Variants in FBN2 observed in about 807,000 individuals in gnomAD.
FBN2 encodes fibrillin 2, also known as fibrillin-2.
A neutral mutation model predicts 355.6 loss-of-function variants in FBN2; 105 were observed. The ratio of observed to expected loss-of-function variants is 0.30; its 90% CI spans 0.25 to 0.35. The LOEUF (loss-of-function observed/expected upper bound fraction) is 0.35. FBN2 is among the 10% of genes least tolerant of loss of function. FBN2 has a pLI of 1.00. For missense variants in FBN2, 3,280 were observed against 3,758.7 expected, an observed-to-expected ratio of 0.87 and a Z score of 3.33; for synonymous variants, 1,350 against 1,301.2, an observed-to-expected ratio of 1.04 and a Z score of -0.81.
intron 8 of FBN2, among the ~76,000 whole-genome samples, chr5:128,400,824 T>G (rs1235718493): frequency 6.6e-6 from 1 of 152,226 alleles, no homozygotes; most frequent in African/African-American, 2.4e-5. Flanking sequence ...GGTTTGGTTG[T>G]GTCCCCACCC....
chr5:128,340,753 C>T (rs1285009702), intron 25 of FBN2, among the ~76,000 whole-genome samples: 2 of 152,056 alleles, frequency 1.3e-5, no homozygotes, highest in African/African-American at 2.4e-5. Flanking sequence ...AGTTAAATGA[C>T]TATTTGTTAA....
rs779014173 is a variant in FBN2 at position 128,537,514 on chromosome 5, A to G, written c.90T>C (p.Pro30=). The G allele has an allele frequency of 6.3e-7, 1 of 1,576,926 alleles. No homozygotes were observed. The highest frequency in any genetic ancestry group is 2.3e-5 in the East Asian group (1 of 42,704). ...GGGGCGGCTTGGGCGGAGGAGGCTG[A>G]GGCTGGCCGGCCGTGCCCTGCGCCC... The part of the protein sequence containing the change: ...VLWAQGTAGQ[P]QPPPPKPPRP... Residue 30 remains proline, a synonymous_variant, in exon 1 of 65, where the codon CCT becomes CCC. Transcript: ENST00000262464.
At chr5:128,321,038 A>G (rs931493796) in intron 34 of FBN2, among the ~76,000 whole-genome samples, 6 of 151,992 alleles carry the variant, frequency 3.9e-5, no homozygotes, top group African/African-American at 1.5e-4. Context: ...ACTTAAAGGG[A>G]TCAATAATGG....
intron 14 of FBN2, among the ~76,000 whole-genome samples, chr5:128,375,267 A>G (rs893177797): frequency 1.3e-5 from 2 of 152,220 alleles, no homozygotes; most frequent in Non-Finnish European, 2.9e-5. Flanking sequence ...CCGACTCAGG[A>G]ATACTTAAAA....
chr5:128,305,667 T>G, intron 43 of FBN2, 31 bp from the exon 44 acceptor site: 1 of 1,612,744 alleles, frequency 6.2e-7, no homozygotes, highest in South Asian at 1.1e-5. Flanking sequence ...TTTTAAAGAG[T>G]CCTTTTTAGT....
At chr5:128,406,422 C>A (rs146974572) in intron 8 of FBN2, among the ~76,000 whole-genome samples, 1 of 152,322 alleles carries the variant, frequency 6.6e-6, no homozygotes, top group Admixed American at 6.5e-5. Flanking sequence ...GCAACCTCAG[C>A]ATACGATTTC....
intron 34 of FBN2, 109 bp downstream of exon 34, chr5:128,328,587 C>T: frequency 9.0e-7 from 1 of 1,105,682 alleles, no homozygotes; most frequent in Non-Finnish European, 1.4e-6. Context: ...TATAGTGCAG[C>T]ATGTGCTATG....
chr5:128,390,455 A>T (rs1218051758), intron 11 of FBN2, among the ~76,000 whole-genome samples: 2 of 152,194 alleles, frequency 1.3e-5, no homozygotes, highest in African/African-American at 4.8e-5. Context: ...AGGCAATGGC[A>T]CCAAACTGTC....
chr5:128,503,601 G>T (rs181528129), intron 5 of FBN2, among the ~76,000 whole-genome samples: 46 of 152,290 alleles, frequency 3.0e-4, no homozygotes, highest in Admixed American at 2.9e-3. Flanking sequence ...GCAGCATTTT[G>T]CCCCTGTCCT....
intron 34 of FBN2, among the ~76,000 whole-genome samples, chr5:128,326,939 C>G (rs1052861725): frequency 6.6e-6 from 1 of 152,150 alleles, no homozygotes; most frequent in Non-Finnish European, 1.5e-5. Flanking sequence ...TAAAGTAATA[C>G]ACAATTAGGA....
chr5:128,398,770 T>C (rs370376979), intron 8 of FBN2, among the ~76,000 whole-genome samples: 3 of 152,188 alleles, frequency 2.0e-5, no homozygotes, highest in East Asian at 3.9e-4. Flanking sequence ...GGGAGGGACC[T>C]GGTGGGAGGT....
chr5:128,464,210 A>G (rs769844881), intron 6 of FBN2, among the ~76,000 whole-genome samples: 17 of 152,210 alleles, frequency 1.1e-4, no homozygotes, highest in Non-Finnish European at 2.4e-4. Context: ...CCCAGAGATC[A>G]TGACCAACCC....
At chr5:128,261,036 C>T (rs913917590) in intron 64 of FBN2, among the ~76,000 whole-genome samples, 6 of 152,158 alleles carry the variant, frequency 3.9e-5, no homozygotes, top group African/African-American at 1.4e-4. Context: ...TCAATTAACC[C>T]TTCCATCAGC....
intron 7 of FBN2, among the ~76,000 whole-genome samples, chr5:128,419,053 A>G (rs11951790): frequency 0.11 from 16,620 of 152,190 alleles, 1,067 homozygotes; most frequent in African/African-American, 0.17. Context: ...CAAATCTATC[A>G]CCTACTCTGC....
chr5:128,260,240 C>A (rs765715636), intron 64 of FBN2, among the ~76,000 whole-genome samples: 11 of 151,564 alleles, frequency 7.3e-5, no homozygotes, highest in Non-Finnish European at 1.6e-4. Flanking sequence ...TGTTGGGCAT[C>A]AGCAGGGAAT....
intron 32 of FBN2, among the ~76,000 whole-genome samples, chr5:128,332,475 T>C (rs1166555471): frequency 6.6e-6 from 1 of 152,214 alleles, no homozygotes; most frequent in Non-Finnish European, 1.5e-5. Flanking sequence ...CATTTACAAT[T>C]TCCTGTAAGA....
At chr5:128,451,914 A>T (rs771431521) in intron 6 of FBN2, among the ~76,000 whole-genome samples, 13 of 152,224 alleles carry the variant, frequency 8.5e-5, no homozygotes, top group Admixed American at 2.6e-4. Flanking sequence ...AAAGAAAAAC[A>T]ATTCAGCATC....
intron 7 of FBN2, among the ~76,000 whole-genome samples, chr5:128,440,556 G>T (rs1432079313): frequency 6.6e-6 from 1 of 152,130 alleles, no homozygotes; most frequent in Non-Finnish European, 1.5e-5. Context: ...CTGCCCCCAT[G>T]ATCTAATCAC....
chr5:128,277,607 G>T lies in FBN2; in HGVS notation c.7471+273C>A, dbSNP rs255695. Among the ~76,000 whole-genome samples the T allele has an allele frequency of 0.69, 104,984 of 152,004 alleles. 36,517 individuals are homozygous for T. Among genetic ancestry groups the T allele is most frequent in the East Asian group, 0.86 (4,462 of 5,162 alleles). On this transcript the variant is annotated intron_variant, in intron 58 of 64. Coordinates refer to ENST00000262464, the MANE Select transcript of FBN2 (RefSeq NM_001999.4). ...TCTCAGGTTTACAACCTGAGAATCA[G>T]AAACTTAAGAGTTTCTCTGTTTTTG...
Sources: gnomAD v4.1 joint callset for allele counts (sites outside exome capture counted in the v4.1 genomes callset) on GRCh38, gnomAD v4.1.1 for gene constraint, MANE v1.5 for transcripts, NCBI Gene and HGNC (gene_info 2026-07-23, HGNC 2026-07-21) for gene names.